Variants in MIER2 observed in about 807,000 individuals in gnomAD.
MIER2 encodes mesoderm induction early response protein 2.
A neutral mutation model predicts 67.6 loss-of-function variants in MIER2; 30 were observed. That is an observed-to-expected ratio of 0.44 (90% confidence interval 0.33 to 0.60). The LOEUF (loss-of-function observed/expected upper bound fraction) is 0.60, where lower values mean the gene tolerates loss of function less well. MIER2 is among the 20% of genes least tolerant of loss of function. The probability of loss-of-function intolerance (pLI) is 0.02; values close to 1 mark genes in which losing one functional copy is unlikely to be tolerated. For missense variants in MIER2, 702 were observed against 745.1 expected (o/e 0.94, Z 0.67); for synonymous variants, 372 against 312.6 (o/e 1.19, Z -2.00).
chr19:337,090 C>T (rs753601490), intron 1 of MIER2, among the ~76,000 whole-genome samples: 2 of 152,020 alleles, frequency 1.3e-5, no homozygotes, highest in South Asian at 2.1e-4. Flanking sequence ...GTGATCCGCC[C>T]GCCTCGGCCT....
chr19:331,360 G>GGAAAAAAAAAA (rs1555692442), intron 3 of MIER2, among the ~76,000 whole-genome samples: 4 of 117,956 alleles, frequency 3.4e-5, no homozygotes, highest in African/African-American at 1.3e-4. Flanking sequence ...TCTGTCCCCA[G>GGAAAAAAAAAA]AAAAAAAAAA....
Position 308,578 on chromosome 19 carries a change from T to C in MIER2, c.1197A>G (p.Thr399=), listed in dbSNP as rs1970772860. 2 of 1,599,732 alleles carry C rather than the reference T, an allele frequency of 1.3e-6. No individual in the cohort carries two copies. Among genetic ancestry groups the C allele is most frequent in the African/African-American group, 2.7e-5 (2 of 74,876 alleles). Residue 399 remains threonine, a splice_region_variant and synonymous_variant, in exon 12 of 14, where the codon ACA becomes ACG. Transcript: ENST00000264819. This position sits in a 1 kb window ranked among gnomAD's most constrained non-coding sequence, Gnocchi z 9.1. ...PEQDTLTGMR[T]DPLSVDGTAG... Reference sequence around the variant, plus strand: ...CAGGAGATACTCCCCAAGCCTCACCTGTGCGCATCCCAGTCAGGGTGTCTT... The same window carrying C: ...CAGGAGATACTCCCCAAGCCTCACCCGTGCGCATCCCAGTCAGGGTGTCTT...
chr19:312,052 A>G, intron 9 of MIER2, 113 bp from the exon 10 acceptor site: 1 of 1,253,996 alleles, frequency 8.0e-7, no homozygotes, highest in South Asian at 1.5e-5. Context: ...GCCGCAGCGG[A>G]AGGAAGGCCC....
At chr19:323,741 C>T (rs1187398796) in intron 7 of MIER2, among the ~76,000 whole-genome samples, 7 of 151,944 alleles carry the variant, frequency 4.6e-5, no homozygotes, top group Admixed American at 6.6e-5. Flanking sequence ...ACGACACAGA[C>T]GTCATCACAA....
chr19:314,441 A>G (rs1242544581), intron 7 of MIER2, among the ~76,000 whole-genome samples: 1 of 152,224 alleles, frequency 6.6e-6, no homozygotes, highest in Non-Finnish European at 1.5e-5. Flanking sequence ...ATTATCCAGG[A>G]AAGAGGCACA....
chr19:327,065 T>C, intron 5 of MIER2, 68 bp downstream of exon 5: 1 of 1,530,342 alleles, frequency 6.5e-7, no homozygotes, highest in Non-Finnish European at 8.7e-7. Context: ...CAAGGACCCT[T>C]CATCAAGCAT....
intron 1 of MIER2, among the ~76,000 whole-genome samples, chr19:342,331 A>G (rs4549009): frequency 0.15 from 22,915 of 151,992 alleles, 3,392 homozygotes; most frequent in African/African-American, 0.38. Flanking sequence ...GGTACCGAGA[A>G]GAGAAAACAG....
At chr19:344,386 C>A (rs984890811) in intron 1 of MIER2, 28 of 984,426 alleles carry the variant, frequency 2.8e-5, no homozygotes, top group South Asian at 4.7e-5. Flanking sequence ...GGAGGGGAGG[C>A]CTGCGCGCCG....
At chr19:311,529 C>T (rs1049879804) in intron 10 of MIER2, among the ~76,000 whole-genome samples, 4 of 152,206 alleles carry the variant, frequency 2.6e-5, no homozygotes, top group Admixed American at 6.5e-5. Context: ...CCAGCAGGCT[C>T]TGCTCAGAGG....
In MIER2 at chr19:306,273, G is replaced by A. The variant is rs748705428; in HGVS notation, c.*417C>T. On this transcript the variant is annotated 3_prime_UTR_variant, in exon 14 of 14. Coordinates refer to ENST00000264819, the MANE Select transcript of MIER2 (RefSeq NM_017550.3). The stretch of plus-strand genomic sequence containing the variant: ...AGCAGGGAGCTGAGGGCGCCCCGGC[G>A]GAGGCTGCTGGTGCGGGGCAGGGCG... 2.7e-4 allele frequency: 59 copies of A among 219,130 alleles called. No individual in the cohort carries two copies. The highest frequency in any genetic ancestry group is 4.7e-4 in the South Asian group (5 of 10,678). The allele number at this position is 219,130 out of a possible 1,614,324, so 13.6% of individuals were successfully genotyped here.
chr19:344,635 G>T (rs879668760), intron 1 of MIER2, 139 bp downstream of exon 1: 87 of 460,220 alleles, frequency 1.9e-4, no homozygotes, highest in Non-Finnish European at 9.1e-5. Context: ...GGCCCCGGAC[G>T]GGCCAGGCGC....
intron 1 of MIER2, among the ~76,000 whole-genome samples, chr19:339,476 G>C (rs1182198186): frequency 6.6e-6 from 1 of 152,212 alleles, no homozygotes; most frequent in Non-Finnish European, 1.5e-5. Flanking sequence ...GGACAAAGTG[G>C]AACTCTCCTG....
chr19:334,574 C>A, intron 2 of MIER2, 32 bp from the exon 3 acceptor site: 1 of 1,605,378 alleles, frequency 6.2e-7, no homozygotes, highest in African/African-American at 1.3e-5. Flanking sequence ...AGGTGAGCAC[C>A]GTGCCTCGCC....
rs540525505 is a variant in MIER2 at position 327,283 on chromosome 19, A to C, written c.370-27T>G. Reference sequence around the variant, plus strand: ...TTTAAAAAAAAAAAAAAAAGTAAAGAACATTTTACAGTTTAACAATCTCGC... The same window carrying C: ...TTTAAAAAAAAAAAAAAAAGTAAAGCACATTTTACAGTTTAACAATCTCGC... On this transcript the variant is annotated intron_variant, in intron 4 of 13. Coordinates refer to ENST00000264819, the MANE Select transcript of MIER2 (RefSeq NM_017550.3). 11 of 1,567,314 alleles carry C rather than the reference A, an allele frequency of 7.0e-6. No homozygotes were observed. In the Admixed American group the frequency reaches 1.9e-4, roughly 26 times the overall value.
chr19:327,091 G>A (rs754209980), intron 5 of MIER2, 42 bp downstream of exon 5: 10 of 1,554,556 alleles, frequency 6.4e-6, no homozygotes, highest in Non-Finnish European at 8.6e-7. Flanking sequence ...CTGCCTGGCA[G>A]GGGGCCTGGC....
In MIER2 at chr19:308,477, C is replaced by T. The variant is rs956672709; in HGVS notation, c.1198+100G>A. On this transcript the variant is annotated intron_variant, in intron 12 of 13. Transcript: ENST00000264819. This position sits in a 1 kb window ranked among gnomAD's most constrained non-coding sequence, Gnocchi z 9.1. ...CGCCCACTCCTCCTGGCGAGGCTGG[C>T]CCAGCACAGGGCGCCAGGCAGGAGA... The T allele has an allele frequency of 1.5e-6, 2 of 1,317,568 alleles. No individual in the cohort carries two copies. The highest frequency in any genetic ancestry group is 2.1e-6 in the Non-Finnish European group (2 of 968,180). The allele number at this position is 1,317,568 out of a possible 1,614,324, so 81.6% of individuals were successfully genotyped here.
rs1350663964 is a variant in MIER2 at position 307,292 on chromosome 19, G to A, written c.1443C>T (p.Pro481=). The part of the protein sequence containing the change: ...AVDFALPKEL[P]LISSHVDLSG... ...TGAGGTCCACATGGCTGGAGATGAG[G>A]GGCAGCTCCTTGGGCAGGGCGAAGT... The change falls in exon 13 of 14, where the codon CCC becomes CCT. Residue 481 remains proline (P), a synonymous_variant. Transcript: ENST00000264819. 6.9e-6 allele frequency: 11 copies of A among 1,599,450 alleles called. No homozygotes were observed. The highest frequency in any genetic ancestry group is 4.0e-5 in the African/African-American group (3 of 74,768).
chr19:309,811 C>G (rs1970858220), intron 10 of MIER2, among the ~76,000 whole-genome samples: 1 of 118,644 alleles, frequency 8.4e-6, no homozygotes, highest in Non-Finnish European at 1.7e-5. Context: ...CACAAGGCTT[C>G]AGGGAGACGA....
chr19:344,725 C>A (rs1373224219), intron 1 of MIER2, 49 bp downstream of exon 1: 1 of 1,110,638 alleles, frequency 9.0e-7, no homozygotes, highest in East Asian at 4.3e-5. Context: ...CGGCGGGGGG[C>A]GCGGACGCGC....
Sources: gnomAD v4.1 joint callset for allele counts (sites outside exome capture counted in the v4.1 genomes callset) on GRCh38, gnomAD v4.1.1 for gene constraint, Gnocchi (gnomAD v3.1) non-coding constraint, MANE v1.5 for transcripts, NCBI Gene and HGNC (gene_info 2026-07-23, HGNC 2026-07-21) for gene names.